Variants in CRPPA observed in about 807,000 individuals in gnomAD.
CRPPA encodes CDP-L-ribitol pyrophosphorylase A, also known as D-ribitol-5-phosphate cytidylyltransferase.
A neutral mutation model predicts 52.0 loss-of-function variants in CRPPA; 43 were observed. The ratio of observed to expected loss-of-function variants is 0.83; its 90% confidence interval spans 0.65 to 1.07. The LOEUF (loss-of-function observed/expected upper bound fraction) is 1.07, where lower values mean the gene tolerates loss of function less well. Among genes scored for constraint, CRPPA ranks in the 50% least tolerant of loss-of-function variants. The pLI is 0.00. For synonymous variants in CRPPA, 250 were observed against 203.5 expected, an observed-to-expected ratio of 1.23 and a Z score of -1.94; for missense variants, 629 against 551.7, an observed-to-expected ratio of 1.14 and a Z score of -1.40.
At chr7:16,105,155 A>C (rs79215904) in intron 9 of CRPPA, among the ~76,000 whole-genome samples, 32 of 152,170 alleles carry the variant, frequency 2.1e-4, no homozygotes, top group African/African-American at 6.0e-4. Context: ...GCAAAATGGG[A>C]AGTCTTCTCC....
chr7:16,152,102 T>C (rs1783086648), intron 9 of CRPPA, among the ~76,000 whole-genome samples: 1 of 152,078 alleles, frequency 6.6e-6, no homozygotes, highest in Non-Finnish European at 1.5e-5. Flanking sequence ...TGATTATATA[T>C]AATCAATGTG....
At chr7:16,259,573 GAGA>G (rs1167364002) in intron 6 of CRPPA, among the ~76,000 whole-genome samples, 3 of 151,962 alleles carry the variant, frequency 2.0e-5, no homozygotes, top group African/African-American at 7.2e-5. Flanking sequence ...ATTAGATTTA[GAGA>G]AGAACACATA....
At chr7:16,104,923 A>C in intron 9 of CRPPA, among the ~76,000 whole-genome samples, 1 of 152,086 alleles carries the variant, frequency 6.6e-6, no homozygotes, top group Non-Finnish European at 1.5e-5. Context: ...AAAGAAAAAA[A>C]AAATCTTATT....
chr7:16,365,911 C>A (rs1278056857), intron 3 of CRPPA, among the ~76,000 whole-genome samples: 2 of 152,114 alleles, frequency 1.3e-5, no homozygotes, highest in Admixed American at 6.6e-5. Flanking sequence ...AGATAAGACA[C>A]CCAGAAGACA....
At chr7:16,382,361 A>T (rs1358144187) in intron 2 of CRPPA, among the ~76,000 whole-genome samples, 1 of 152,140 alleles carries the variant, frequency 6.6e-6, no homozygotes, top group Non-Finnish European at 1.5e-5. Flanking sequence ...TGAGAGATCC[A>T]CTGTTAGTCT....
At chr7:16,289,632 C>G (rs1385190036) in intron 5 of CRPPA, among the ~76,000 whole-genome samples, 1 of 152,110 alleles carries the variant, frequency 6.6e-6, no homozygotes. Context: ...ATTCAGCATT[C>G]CTTTTTCACA....
chr7:16,308,804 G>A (rs1784973050), intron 3 of CRPPA, among the ~76,000 whole-genome samples, 177 bp from the exon 4 acceptor site: 1 of 152,194 alleles, frequency 6.6e-6, no homozygotes, highest in Admixed American at 6.5e-5. Flanking sequence ...CAGGGAATAG[G>A]AATACTGCAA....
At chr7:16,352,563 C>A (rs1340688650) in intron 3 of CRPPA, among the ~76,000 whole-genome samples, 1 of 152,116 alleles carries the variant, frequency 6.6e-6, no homozygotes, top group Non-Finnish European at 1.5e-5. Flanking sequence ...GATATCATCT[C>A]ACAACTGTTA....
intron 3 of CRPPA, among the ~76,000 whole-genome samples, chr7:16,341,360 G>A (rs1785823752): frequency 6.6e-6 from 1 of 151,770 alleles, no homozygotes. Flanking sequence ...AGAGGGAAAG[G>A]GGCTATAAAG....
rs533838923 is a variant in CRPPA, at chr7:16,305,638, C to T, written c.789+2885G>A. ...ATCCCAGCACTTTGGGAGGCCAAGA[C>T]GGGCAGATCACAAAGTCAGGAGATC... On this transcript the variant is annotated intron_variant, in intron 4 of 9. Transcript: ENST00000407010. Among the ~76,000 whole-genome samples, 76 of 152,218 alleles carry T rather than the reference C, an allele frequency of 5.0e-4. 1 individual carries two copies. The highest frequency in any genetic ancestry group is 1.6e-3 in the African/African-American group (66 of 41,520).
chr7:16,261,382 T>G (rs1407790045), intron 6 of CRPPA, among the ~76,000 whole-genome samples: 9 of 152,098 alleles, frequency 5.9e-5, no homozygotes, highest in Non-Finnish European at 8.8e-5. Context: ...TAGCACATTT[T>G]AAGTTCTACC....
At position 16,258,429 on chromosome 7, in the gene CRPPA, C is replaced by T. The variant is rs1783703561; in HGVS notation, c.1080G>A (p.Glu360=). Residue 360 remains glutamate (E), a synonymous_variant, in exon 8 of 10, where the codon GAG becomes GAA. Transcript: ENST00000407010. ...ETQKLLSMLE[E]SSLCILYPVV... is the part of the protein sequence containing the mutation. Reference sequence around the variant, plus strand: ...CAGGATATAAAATGCAAAGACTACTCTCTTCAAGCATGCTCAGTAACTTCT... The same window carrying T: ...CAGGATATAAAATGCAAAGACTACTTTCTTCAAGCATGCTCAGTAACTTCT... 1 of 1,607,566 alleles carries T rather than the reference C, an allele frequency of 6.2e-7. No individual in the cohort carries two copies. The highest frequency in any genetic ancestry group is 1.3e-5 in the African/African-American group (1 of 74,700).
At chr7:16,417,811 A>G (rs1788231385) in intron 1 of CRPPA, among the ~76,000 whole-genome samples, 1 of 152,208 alleles carries the variant, frequency 6.6e-6, no homozygotes, top group African/African-American at 2.4e-5. Context: ...AAAAAAAATC[A>G]AATTTGGGGT....
intron 2 of CRPPA, among the ~76,000 whole-genome samples, chr7:16,389,254 C>A (rs1267325770): frequency 6.6e-6 from 1 of 152,120 alleles, no homozygotes; most frequent in Non-Finnish European, 1.5e-5. Context: ...TTCTGTAAGA[C>A]CAGTATTATC....
intron 2 of CRPPA, among the ~76,000 whole-genome samples, chr7:16,387,881 T>A (rs1350562552): frequency 6.6e-6 from 1 of 152,202 alleles, no homozygotes; most frequent in Non-Finnish European, 1.5e-5. Flanking sequence ...ACAGACCATA[T>A]GCTGGACCAT....
chr7:16,417,683 T>A (rs1264774780), intron 1 of CRPPA, among the ~76,000 whole-genome samples: 1 of 152,082 alleles, frequency 6.6e-6, no homozygotes, highest in Non-Finnish European at 1.5e-5. Context: ...AGTACTACAC[T>A]CATTACATGG....
chr7:16,235,276 T>A (rs1472728640), intron 8 of CRPPA, among the ~76,000 whole-genome samples: 1 of 151,936 alleles, frequency 6.6e-6, no homozygotes, highest in Non-Finnish European at 1.5e-5. Context: ...AACTTTGAGA[T>A]AGGATGACAT....
intron 9 of CRPPA, among the ~76,000 whole-genome samples, chr7:16,158,792 A>G (rs539122590): frequency 3.3e-5 from 5 of 152,288 alleles, no homozygotes; most frequent in South Asian, 2.1e-4. Flanking sequence ...ACCCTTCTCC[A>G]TAACAGTAAA....
In CRPPA at chr7:16,418,351, T is replaced by C. The variant is rs1010807982; in HGVS notation, c.257+2715A>G. 6.6e-5 allele frequency among the ~76,000 whole-genome samples: 10 copies of C among 152,360 alleles called. No homozygotes were observed. The East Asian group carries it at 1.9e-3, about 29-fold the overall frequency. ...TTTCTGACTGCTGTTATCAGTTAAG[T>C]AAAAGTAGAAGACAAACGTTTTATT... On this transcript the variant is annotated intron_variant, in intron 1 of 9. Coordinates refer to ENST00000407010, the MANE Select transcript of CRPPA (RefSeq NM_001101426.4).
Sources: gnomAD v4.1 joint callset for allele counts (sites outside exome capture counted in the v4.1 genomes callset) on GRCh38, gnomAD v4.1.1 for gene constraint, MANE v1.5 for transcripts, NCBI Gene and HGNC (gene_info 2026-07-23, HGNC 2026-07-21) for gene names.